SCIN: variants seen among roughly 807,000 people sequenced by gnomAD.
SCIN encodes adseverin.
SCIN carries 91 observed loss-of-function variants against 91.8 expected under a neutral mutation model. The observed-to-expected ratio is 0.99, with a 90% confidence interval of 0.84 to 1.18. SCIN has a LOEUF of 1.18. Among genes scored for constraint, SCIN ranks in the 50% most tolerant of loss-of-function variants. The probability of loss-of-function intolerance (pLI) is 0.00; values close to 1 mark genes in which losing one functional copy is unlikely to be tolerated. For missense variants in SCIN, 1,087 were observed against 863.9 expected (o/e 1.26, Z -3.24); for synonymous variants, 367 against 312.6 (o/e 1.17, Z -1.84).
At chr7:12,639,697 T>C (rs1783819533) in intron 10 of SCIN, among the ~76,000 whole-genome samples, 1 of 152,226 alleles carries the variant, frequency 6.6e-6, no homozygotes, top group African/African-American at 2.4e-5. Context: ...TTTTAAAGTT[T>C]CTTATATTGA....
chr7:12,581,467 T>C (rs1782487063), intron 3 of SCIN, among the ~76,000 whole-genome samples: 1 of 152,202 alleles, frequency 6.6e-6, no homozygotes, highest in Non-Finnish European at 1.5e-5. Context: ...ATTGACTAAT[T>C]TTTAATACAT....
chr7:12,623,833 T>C (rs1305662356), intron 5 of SCIN, among the ~76,000 whole-genome samples: 2 of 152,190 alleles, frequency 1.3e-5, no homozygotes, highest in Non-Finnish European at 2.9e-5. Context: ...TTTTTTCTTC[T>C]AGATGCAAAA....
intron 14 of SCIN, 40 bp downstream of exon 14, chr7:12,649,584 T>C: frequency 1.4e-6 from 2 of 1,399,444 alleles, no homozygotes; most frequent in Non-Finnish European, 2.0e-6. Flanking sequence ...AATGCATTTT[T>C]GGTTGGGAGA....
rs1444095782 is a variant in SCIN, at chr7:12,625,776, C to T, written c.907C>T (p.Pro303Ser). ...IFVWKGKDAN[P>S]QERKAAMKTA... ...TTGTATTTTAGGTAAAGATGCTAAT[C>T]CCCAAGAGAGGAAGGCTGCAATGAA... is the stretch of plus-strand genomic sequence containing the variant. Residue 303 changes from proline to serine, a missense_variant, in exon 7 of 16, where the codon CCC becomes TCC. Pro to Ser is a moderately conservative substitution (Grantham distance 74, BLOSUM62 -1). Transcript: ENST00000297029. 1.2e-6 allele frequency: 2 copies of T among 1,609,964 alleles called. No individual in the cohort carries two copies. Among genetic ancestry groups the T allele is most frequent in the South Asian group, 1.1e-5 (1 of 90,594 alleles).
chr7:12,583,390 C>G (rs1782527361), intron 3 of SCIN, among the ~76,000 whole-genome samples: 1 of 152,150 alleles, frequency 6.6e-6, no homozygotes, highest in African/African-American at 2.4e-5. Flanking sequence ...AAAGGGGAAA[C>G]AAAAGCCTTA....
chr7:12,616,402 G>A (rs1783300380), intron 4 of SCIN, among the ~76,000 whole-genome samples: 2 of 152,174 alleles, frequency 1.3e-5, no homozygotes, highest in South Asian at 4.1e-4. Context: ...TGCTCTCCAT[G>A]TTCTCTTGCC....
intron 4 of SCIN, among the ~76,000 whole-genome samples, chr7:12,613,595 T>A (rs1469541644): frequency 6.6e-6 from 1 of 152,162 alleles, no homozygotes; most frequent in Non-Finnish European, 1.5e-5. Flanking sequence ...AAGTACTGTT[T>A]TTCCAGAGCC....
intron 7 of SCIN, 55 bp downstream of exon 7, chr7:12,625,905 C>A: frequency 2.3e-6 from 3 of 1,277,208 alleles, no homozygotes; most frequent in African/African-American, 1.5e-5. Context: ...GAGCTCATGA[C>A]ATCTCCACGA....
rs1461168882 is a variant in SCIN, at chr7:12,659,561, A to C, written c.*6846A>C. ...AGGAAATAAGTTGCAGGATAAGTAT[A>C]TCCATGGTCATCCAGGGGAAGAAAA... On this transcript the variant is annotated 3_prime_UTR_variant, in exon 16 of 16. Transcript: ENST00000297029. The C allele has an allele frequency of 6.6e-6, 1 of 152,244 alleles. No individual in the cohort carries two copies. The highest frequency in any genetic ancestry group is 2.4e-5 in the African/African-American group (1 of 41,458). The allele number at this position is 152,244 out of a possible 1,614,324, so 9.4% of individuals were successfully genotyped here.
Position 12,636,136 on chromosome 7 carries a change from G to T in SCIN, c.1410+1G>T, listed in dbSNP as rs767373730. ...GTCCCTTGGAGGACAGGCTGTGCAG[G>T]TTGGGATATTTTTACCCCCAAAACT... On this transcript the variant is annotated splice_donor_variant, in intron 10 of 15. Coordinates refer to ENST00000297029, the MANE Select transcript of SCIN (RefSeq NM_001112706.3). LOFTEE classifies it high-confidence loss of function. 1 of 1,610,264 alleles carries T rather than the reference G, an allele frequency of 6.2e-7. No homozygotes were observed. Among genetic ancestry groups the T allele is most frequent in the East Asian group, 2.2e-5 (1 of 44,766 alleles).
intron 3 of SCIN, among the ~76,000 whole-genome samples, chr7:12,581,934 C>A (rs888380924): frequency 1.3e-5 from 2 of 152,208 alleles, no homozygotes; most frequent in East Asian, 3.8e-4. Context: ...GCATTTCCCT[C>A]CACTGAAAAG....
At chr7:12,643,757 G>T (rs548783239) in intron 11 of SCIN, among the ~76,000 whole-genome samples, 2 of 152,256 alleles carry the variant, frequency 1.3e-5, no homozygotes, top group African/African-American at 4.8e-5. Flanking sequence ...ATCACTTTAC[G>T]CTCTTGTTTT....
Position 12,659,560 on chromosome 7 carries a change from T to C in SCIN, c.*6845T>C, listed in dbSNP as rs1295949186. ...AAGGAAATAAGTTGCAGGATAAGTA[T>C]ATCCATGGTCATCCAGGGGAAGAAA... On this transcript the variant is annotated 3_prime_UTR_variant, in exon 16 of 16. Transcript: ENST00000297029. 1 of 152,242 alleles carries C rather than the reference T, an allele frequency of 6.6e-6. No homozygotes were observed. Among genetic ancestry groups the C allele is most frequent in the Non-Finnish European group, 1.5e-5 (1 of 68,068 alleles). The allele number at this position is 152,242 out of a possible 1,614,324, so 9.4% of individuals were successfully genotyped here.
intron 4 of SCIN, among the ~76,000 whole-genome samples, chr7:12,619,840 C>T (rs11982795): frequency 0.46 from 70,309 of 151,798 alleles, 16,837 homozygotes; most frequent in Admixed American, 0.6. Flanking sequence ...TCCTGGGCCT[C>T]ACCATAGACC....
In SCIN at chr7:12,574,712, A is replaced by G. The variant is rs371200496; in HGVS notation, c.200-3352A>G. Among the ~76,000 whole-genome samples, 21 of 152,212 alleles carry G rather than the reference A, an allele frequency of 1.4e-4. No homozygotes were observed. The East Asian group carries it at 2.9e-3, about 21-fold the overall frequency. ...TCTATTGATCTGTGTCTATCCTTCAATAGTACCAATCTGTTTTAATCACGT... is the reference window on the plus strand; with the variant it reads ...TCTATTGATCTGTGTCTATCCTTCAGTAGTACCAATCTGTTTTAATCACGT... On this transcript the variant is annotated intron_variant, in intron 1 of 15. Transcript: ENST00000297029.
chr7:12,626,104 A>C, intron 7 of SCIN: 1 of 431,206 alleles, frequency 2.3e-6, no homozygotes, highest in Non-Finnish European at 4.1e-6. Flanking sequence ...AAGATAGTAA[A>C]CCACAGTAGG....
chr7:12,604,635 A>G lies in SCIN; in HGVS notation c.638A>G (p.Glu213Gly). ...KGRSELIVVE[E>G]GSEPSELIKV... ...AGGTCTGAACTAATTGTCGTGGAAG[A>G]AGGAAGTGAACCCTCAGAACTTATA... Residue 213 changes from glutamate to glycine, a missense_variant, in exon 4 of 16, where the codon GAA (glutamate) becomes GGA (glycine). Coordinates refer to ENST00000297029, the MANE Select transcript of SCIN (RefSeq NM_001112706.3). The G allele has an allele frequency of 6.4e-7, 1 of 1,552,212 alleles. No homozygotes were observed. The highest frequency in any genetic ancestry group is 8.7e-7 in the Non-Finnish European group (1 of 1,147,130).
At chr7:12,604,713 G>C in intron 4 of SCIN, 50 bp downstream of exon 4, 1 of 1,408,244 alleles carries the variant, frequency 7.1e-7, no homozygotes, top group Non-Finnish European at 9.4e-7. Flanking sequence ...CAACTCGTAT[G>C]TGTCTGTGTG....
chr7:12,580,764 G>A (rs761655565), intron 2 of SCIN, among the ~76,000 whole-genome samples: 1 of 152,158 alleles, frequency 6.6e-6, no homozygotes, highest in Non-Finnish European at 1.5e-5. Flanking sequence ...AAGAGCTATG[G>A]CATCTTCTTT....
Sources: gnomAD v4.1 joint callset for allele counts (sites outside exome capture counted in the v4.1 genomes callset) on GRCh38, gnomAD v4.1.1 for gene constraint, MANE v1.5 for transcripts, NCBI Gene and HGNC (gene_info 2026-07-23, HGNC 2026-07-21) for gene names.